BMP5: variants seen among roughly 807,000 people sequenced by gnomAD.
BMP5 encodes the protein bone morphogenetic protein 5.
A neutral mutation model predicts 46.6 loss-of-function variants in BMP5; 23 were observed. The ratio of observed to expected loss-of-function variants is 0.49; its 90% confidence interval spans 0.35 to 0.70. The LOEUF (loss-of-function observed/expected upper bound fraction) is 0.70, where lower values mean the gene tolerates loss of function less well. Among genes scored for constraint, BMP5 ranks in the 30% least tolerant of loss-of-function variants. The pLI, the probability that BMP5 is intolerant of heterozygous loss-of-function variation, is 0.00. For synonymous variants in BMP5, 204 were observed against 191.9 expected (o/e 1.06, Z -0.52); for missense variants, 545 against 565.6 (o/e 0.96, Z 0.37).
At chr6:55,784,237 T>C (rs1775393424) in intron 3 of BMP5, among the ~76,000 whole-genome samples, 1 of 151,906 alleles carries the variant, frequency 6.6e-6, no homozygotes, top group South Asian at 2.1e-4. Context: ...TCTTAGTAAC[T>C]AGACTATGCC....
At chr6:55,838,229 T>C (rs963723481) in intron 1 of BMP5, among the ~76,000 whole-genome samples, 1 of 152,166 alleles carries the variant, frequency 6.6e-6, no homozygotes, top group Non-Finnish European at 1.5e-5. Context: ...CTGTTCTCCA[T>C]AGTGGTTATA....
At chr6:55,775,955 T>G (rs1311630034) in intron 3 of BMP5, among the ~76,000 whole-genome samples, 1 of 149,672 alleles carries the variant, frequency 6.7e-6, no homozygotes, top group African/African-American at 2.5e-5. Context: ...TTAGACAGCA[T>G]AGGTATCCTC....
At chr6:55,830,390 A>T (rs1392765760) in intron 1 of BMP5, among the ~76,000 whole-genome samples, 5 of 151,968 alleles carry the variant, frequency 3.3e-5, no homozygotes, top group Admixed American at 6.6e-5. Flanking sequence ...ATGGTTTCAC[A>T]CTCTTGGACT....
At chr6:55,813,084 T>C (rs1776172366) in intron 2 of BMP5, among the ~76,000 whole-genome samples, 3 of 152,172 alleles carry the variant, frequency 2.0e-5, no homozygotes, top group Admixed American at 2.0e-4. Flanking sequence ...AAAAAATACC[T>C]TCCATGGCTT....
At chr6:55,839,156 A>G (rs1294262394) in intron 1 of BMP5, among the ~76,000 whole-genome samples, 1 of 152,170 alleles carries the variant, frequency 6.6e-6, no homozygotes, top group African/African-American at 2.4e-5. Context: ...GCATAAGTCT[A>G]TTGATGAATC....
At chr6:55,776,537 G>C (rs754655236) in intron 3 of BMP5, among the ~76,000 whole-genome samples, 2 of 146,654 alleles carry the variant, frequency 1.4e-5, no homozygotes, top group African/African-American at 2.5e-5. Context: ...TTTTTTTTCT[G>C]TCTTGGAGTA....
At chr6:55,798,868 G>A (rs752430167) in intron 2 of BMP5, among the ~76,000 whole-genome samples, 1 of 151,996 alleles carries the variant, frequency 6.6e-6, no homozygotes, top group Non-Finnish European at 1.5e-5. Flanking sequence ...AAAGAGTTTT[G>A]CATACATACC....
chr6:55,870,913 A>G (rs1429289495), intron 1 of BMP5, among the ~76,000 whole-genome samples: 1 of 152,074 alleles, frequency 6.6e-6, no homozygotes, highest in African/African-American at 2.4e-5. Context: ...TAAGAGAAAA[A>G]CCATTAATAA....
intron 1 of BMP5, among the ~76,000 whole-genome samples, chr6:55,837,578 G>T (rs551021892): frequency 6.6e-5 from 10 of 152,158 alleles, no homozygotes; most frequent in African/African-American, 2.2e-4. Context: ...TTCAATACTG[G>T]CAGGTAATGT....
intron 2 of BMP5, among the ~76,000 whole-genome samples, chr6:55,817,823 C>A (rs1433723392): frequency 6.6e-6 from 1 of 152,120 alleles, no homozygotes; most frequent in East Asian, 1.9e-4. Flanking sequence ...CTCCTACAAT[C>A]CAGAAGCCAA....
chr6:55,760,580 A>G (rs778750115), intron 4 of BMP5, 47 bp from the exon 5 acceptor site: 1 of 1,501,742 alleles, frequency 6.7e-7, no homozygotes. Flanking sequence ...TTACAGATAT[A>G]CTAATACTTC....
Position 55,797,532 on chromosome 6 carries a change from A to G in BMP5, c.684-3105T>C, listed in dbSNP as rs149742769. Among the ~76,000 whole-genome samples, 565 of 152,230 alleles carry G rather than the reference A, an allele frequency of 3.7e-3. 1 individual carries two copies. Among genetic ancestry groups the G allele is most frequent in the Non-Finnish European group, 6.4e-3 (436 of 67,996 alleles). The stretch of plus-strand genomic sequence containing the variant: ...GTTACAATACTTGAAATTAAAGCCT[A>G]CATTGTAGCAAAGAAAAAGCCCATT... On this transcript the variant is annotated intron_variant, in intron 2 of 6. Coordinates refer to ENST00000370830, the MANE Select transcript of BMP5 (RefSeq NM_021073.4).
In BMP5 at chr6:55,874,357, A is replaced by G; in HGVS notation, c.490+19T>C. On this transcript the variant is annotated intron_variant, in intron 1 of 6. Coordinates refer to ENST00000370830, the MANE Select transcript of BMP5 (RefSeq NM_021073.4). ...CCACTTTGTAATAACATAGATTAAC[A>G]AACAAATGAACAACATACCTAAGTT... The G allele has an allele frequency of 6.2e-6, 10 of 1,612,834 alleles. No individual in the cohort carries two copies. The highest frequency in any genetic ancestry group is 8.5e-6 in the Non-Finnish European group (10 of 1,179,322).
At chr6:55,857,892 C>T (rs1002242268) in intron 1 of BMP5, among the ~76,000 whole-genome samples, 1 of 152,054 alleles carries the variant, frequency 6.6e-6, no homozygotes, top group Non-Finnish European at 1.5e-5. Context: ...CATGCGCCAC[C>T]AGGCCTGGCT....
chr6:55,783,872 C>T (rs1227538417), intron 3 of BMP5, among the ~76,000 whole-genome samples: 1 of 151,902 alleles, frequency 6.6e-6, no homozygotes, highest in Non-Finnish European at 1.5e-5. Flanking sequence ...TGTAGCCAAG[C>T]ACTTCTGAAC....
chr6:55,870,084 A>G (rs900287310), intron 1 of BMP5, among the ~76,000 whole-genome samples: 10 of 151,966 alleles, frequency 6.6e-5, no homozygotes, highest in African/African-American at 2.4e-4. Context: ...CAGAAAATGG[A>G]AGAATGAAAG....
chr6:55,787,552 C>G (rs1190141176), intron 3 of BMP5, among the ~76,000 whole-genome samples: 1 of 151,448 alleles, frequency 6.6e-6, no homozygotes, highest in African/African-American at 2.4e-5. Flanking sequence ...GAAATGTTAT[C>G]AGTATGTTAA....
chr6:55,770,635 C>T (rs1775026608), intron 4 of BMP5, among the ~76,000 whole-genome samples: 1 of 151,974 alleles, frequency 6.6e-6, no homozygotes, highest in Non-Finnish European at 1.5e-5. Context: ...TTGTTTGGCA[C>T]AAGAGGCCTA....
chr6:55,833,893 C>T (rs1776721897), intron 1 of BMP5, among the ~76,000 whole-genome samples: 1 of 151,976 alleles, frequency 6.6e-6, no homozygotes, highest in Non-Finnish European at 1.5e-5. Context: ...GAACCACTAA[C>T]AACAATGATG....
Sources: allele counts gnomAD v4.1 joint callset (sites outside exome capture counted in the v4.1 genomes callset), GRCh38; gene constraint gnomAD v4.1.1; transcripts MANE v1.5; gene names NCBI Gene and HGNC (gene_info 2026-07-23, HGNC 2026-07-21).